ERBB4: variants seen among roughly 807,000 people sequenced by gnomAD.
ERBB4 encodes receptor tyrosine-protein kinase erbB-4.
ERBB4 carries 42 observed loss-of-function variants against 158.0 expected under a neutral mutation model. That is an observed-to-expected ratio of 0.27 (90% CI 0.21 to 0.34). The LOEUF is 0.34. Ranked by LOEUF, ERBB4 falls within the 10% of genes least tolerant of loss-of-function variation. The pLI is 1.00. For synonymous variants in ERBB4, 583 were observed against 558.7 expected (o/e 1.04, Z -0.61); for missense variants, 1,333 against 1,624.1 (o/e 0.82, Z 3.08).
At chr2:211,976,747 T>C (rs1402719) in intron 2 of ERBB4, among the ~76,000 whole-genome samples, 33,279 of 152,016 alleles carry the variant, frequency 0.22, 3,836 homozygotes, top group East Asian at 0.38. Flanking sequence ...ATATCCAAAA[T>C]AAAACCAGTT....
At chr2:212,172,338 T>C (rs777156992) in intron 1 of ERBB4, among the ~76,000 whole-genome samples, 2 of 152,162 alleles carry the variant, frequency 1.3e-5, no homozygotes, top group Admixed American at 6.5e-5. Context: ...AGTTCTACCA[T>C]TGTGGAAAAC....
chr2:211,601,896 G>T (rs1465358695), intron 19 of ERBB4, among the ~76,000 whole-genome samples: 2 of 151,958 alleles, frequency 1.3e-5, no homozygotes, highest in Non-Finnish European at 2.9e-5. Context: ...AGTATTGGGG[G>T]TCATATAATT....
rs1384349288 is a variant in ERBB4 at position 212,062,396 on chromosome 2, ATTC to A, written c.234+62353_234+62355del. ...CTCCTACTACTCTTCTCACTTGTCA[ATTC>A]TTTTTTTTTTTTTTTTTTTTTTTTT... is the stretch of plus-strand genomic sequence containing the variant. On this transcript the variant is annotated intron_variant, in intron 2 of 27. Coordinates refer to ENST00000342788, the MANE Select transcript of ERBB4 (RefSeq NM_005235.3). Among the ~76,000 whole-genome samples, 296 of 96,530 alleles carry A rather than the reference ATTC, an allele frequency of 3.1e-3. 17 individuals carry two copies. The highest frequency in any genetic ancestry group is 5.5e-3 in the South Asian group (16 of 2,894). 63.3% of individuals were successfully genotyped at this position (96,530 alleles called of 152,430 possible). A position where few individuals can be genotyped will look rare whatever the true frequency, so the allele number is the denominator to read the frequency against.
chr2:212,083,095 A>G (rs1209139266), intron 2 of ERBB4, among the ~76,000 whole-genome samples: 2 of 152,180 alleles, frequency 1.3e-5, no homozygotes, highest in Non-Finnish European at 1.5e-5. Context: ...GAGAAAAGAT[A>G]AGAAAAGGCC....
chr2:211,993,756 A>C (rs1306794420), intron 2 of ERBB4, among the ~76,000 whole-genome samples: 1 of 151,942 alleles, frequency 6.6e-6, no homozygotes, highest in African/African-American at 2.4e-5. Context: ...TTTGATTAAA[A>C]TATTTAAGAT....
At chr2:212,155,037 C>T (rs899760576) in intron 1 of ERBB4, among the ~76,000 whole-genome samples, 1 of 152,116 alleles carries the variant, frequency 6.6e-6, no homozygotes, top group Non-Finnish European at 1.5e-5. Flanking sequence ...AATGGTGCCG[C>T]AATTCAAATG....
intron 1 of ERBB4, among the ~76,000 whole-genome samples, chr2:212,175,667 A>G (rs1254645365): frequency 6.7e-5 from 10 of 150,368 alleles, no homozygotes; most frequent in Admixed American, 2.7e-4. Flanking sequence ...TCATGGATTT[A>G]CTTTTATTAA....
chr2:212,417,314 TTA>T (rs1346392891), intron 1 of ERBB4, among the ~76,000 whole-genome samples: 1 of 152,058 alleles, frequency 6.6e-6, no homozygotes, highest in Non-Finnish European at 1.5e-5. Flanking sequence ...ACTTCTTCAC[TTA>T]TACTGTCTTA....
intron 2 of ERBB4, among the ~76,000 whole-genome samples, chr2:212,082,196 T>C (rs2078466139): frequency 6.6e-6 from 1 of 152,136 alleles, no homozygotes; most frequent in South Asian, 2.1e-4. Flanking sequence ...CAGTGTTTAC[T>C]ATGTCCAGCT....
At chr2:211,682,342 C>T (rs2072381828) in intron 12 of ERBB4, among the ~76,000 whole-genome samples, 1 of 152,122 alleles carries the variant, frequency 6.6e-6, no homozygotes, top group Admixed American at 6.6e-5. Flanking sequence ...AGAGTGAATT[C>T]TCCCTTCTTT....
At chr2:212,003,243 AGG>A (rs1207333816) in intron 2 of ERBB4, among the ~76,000 whole-genome samples, 2,050 of 130,568 alleles carry the variant, frequency 0.016, 284 homozygotes, top group Non-Finnish European at 0.022. Flanking sequence ...GAAGGAAGGA[AGG>A]AAGGAAGGAA....
chr2:211,736,251 A>T (rs1040417720), intron 5 of ERBB4, among the ~76,000 whole-genome samples: 1 of 152,170 alleles, frequency 6.6e-6, no homozygotes, highest in African/African-American at 2.4e-5. Flanking sequence ...TTTGATTTTT[A>T]AAAAATAACA....
intron 3 of ERBB4, among the ~76,000 whole-genome samples, chr2:211,877,874 G>A (rs894038468): frequency 5.3e-5 from 8 of 152,158 alleles, no homozygotes; most frequent in African/African-American, 1.9e-4. Context: ...TTGGGAGGCC[G>A]AGGCGGGCGG....
chr2:211,501,487 C>T (rs1220365382), intron 20 of ERBB4, among the ~76,000 whole-genome samples: 2 of 126,930 alleles, frequency 1.6e-5, no homozygotes, highest in African/African-American at 6.5e-5. Flanking sequence ...TGTTATGTAT[C>T]CATAAAAATT....
intron 7 of ERBB4, among the ~76,000 whole-genome samples, chr2:211,719,915 G>T (rs2074041026): frequency 2.0e-5 from 3 of 150,362 alleles, no homozygotes; most frequent in Middle Eastern, 7.0e-3. Flanking sequence ...ACTTTTCATT[G>T]CTCTAAGGAT....
At chr2:211,839,402 C>T (rs2077421985) in intron 3 of ERBB4, among the ~76,000 whole-genome samples, 1 of 151,856 alleles carries the variant, frequency 6.6e-6, no homozygotes, top group African/African-American at 2.4e-5. Flanking sequence ...CTACATAACA[C>T]TTATGAGATG....
At chr2:211,833,304 G>A (rs2077266365) in intron 3 of ERBB4, among the ~76,000 whole-genome samples, 1 of 152,084 alleles carries the variant, frequency 6.6e-6, no homozygotes, top group Non-Finnish European at 1.5e-5. Flanking sequence ...TTAAGTCTAA[G>A]GACGTCTTAG....
At chr2:211,856,695 T>C (rs2077875444) in intron 3 of ERBB4, among the ~76,000 whole-genome samples, 1 of 152,260 alleles carries the variant, frequency 6.6e-6, no homozygotes, top group African/African-American at 2.4e-5. Context: ...CCTAGTCTTG[T>C]AATTTCTTTC....
chr2:211,414,931 G>GAAAT (rs1186520816), intron 25 of ERBB4, among the ~76,000 whole-genome samples: 1 of 151,904 alleles, frequency 6.6e-6, no homozygotes, highest in African/African-American at 2.4e-5. Flanking sequence ...AGGGCTTTGT[G>GAAAT]AAATAAAAGT....
Sources: gnomAD v4.1 joint callset for allele counts (sites outside exome capture counted in the v4.1 genomes callset) on GRCh38, gnomAD v4.1.1 for gene constraint, MANE v1.5 for transcripts, NCBI Gene and HGNC (gene_info 2026-07-23, HGNC 2026-07-21) for gene names.